The following ADGRA1 variants were observed in gnomAD, a reference collection of about 807,000 sequenced individuals.
ADGRA1 encodes adhesion G protein-coupled receptor A1.
ADGRA1 carries 12 observed loss-of-function variants against 21.3 expected under a neutral mutation model. That is an observed-to-expected ratio of 0.56 (90% CI 0.36 to 0.91). ADGRA1 has a LOEUF of 0.91. ADGRA1 is among the 40% of genes least tolerant of loss of function. The pLI is 0.01. For synonymous variants in ADGRA1, 385 were observed against 368.8 expected, an observed-to-expected ratio of 1.04 and a Z score of -0.50; for missense variants, 790 against 805.6, an observed-to-expected ratio of 0.98 and a Z score of 0.23.
intron 5 of ADGRA1, among the ~76,000 whole-genome samples, chr10:133,120,423 T>C (rs1413039158): frequency 6.6e-6 from 1 of 152,114 alleles, no homozygotes; most frequent in African/African-American, 2.4e-5. Flanking sequence ...AAAAAAAATA[T>C]ATCTTGTTTA....
intron 2 of ADGRA1, 178 bp downstream of exon 2, chr10:133,089,090 G>A: frequency 8.7e-7 from 1 of 1,143,034 alleles, no homozygotes; most frequent in South Asian, 4.4e-5. Flanking sequence ...GACAGGCCGC[G>A]TGTCTGGGCA....
At chr10:133,107,340 C>T (rs142514050) in intron 5 of ADGRA1, among the ~76,000 whole-genome samples, 1 of 152,102 alleles carries the variant, frequency 6.6e-6, no homozygotes, top group Admixed American at 6.6e-5. Context: ...ATTTCTTTTT[C>T]TTGCCTAATT....
intron 2 of ADGRA1, among the ~76,000 whole-genome samples, chr10:133,089,794 A>G (rs1424617887): frequency 6.6e-6 from 1 of 152,216 alleles, no homozygotes; most frequent in African/African-American, 2.4e-5. Context: ...CTTTGCCAAC[A>G]TTCAGTATCG....
At chr10:133,117,468 G>C (rs186720309) in intron 5 of ADGRA1, among the ~76,000 whole-genome samples, 1 of 152,158 alleles carries the variant, frequency 6.6e-6, no homozygotes, top group East Asian at 1.9e-4. Flanking sequence ...GGGAGGTCCG[G>C]TGCACTGTGG....
At chr10:133,097,622 C>T (rs892566928) in intron 3 of ADGRA1, among the ~76,000 whole-genome samples, 1 of 152,200 alleles carries the variant, frequency 6.6e-6, no homozygotes, top group African/African-American at 2.4e-5. Context: ...ATCAGAGACT[C>T]GGGCACACAC....
rs899297502 is a variant in ADGRA1 at position 133,129,458 on chromosome 10, G to A, written c.1630G>A (p.Asp544Asn). The part of the protein sequence containing the change: ...KLLEGLPFGT[D>N]GTGNIRTGPW... ...GCTAGAAGGCCTGCCGTTTGGCACCGACGGGACCGGCAACATCCGAACGGG... is the reference window on the plus strand; with the variant it reads ...GCTAGAAGGCCTGCCGTTTGGCACCAACGGGACCGGCAACATCCGAACGGG... The change falls in exon 7 of 7, where the codon GAC becomes AAC. Residue 544 changes from aspartate to asparagine, a missense_variant. Physicochemically the swap from Asp to Asn is conservative, Grantham distance 23 (BLOSUM62 1). Around this residue, in one of 3 missense-constraint regions of ADGRA1, gnomAD observed 391 missense variants for 351.5 expected, o/e 1.11. Transcript: ENST00000392607. 5.4e-5 allele frequency: 86 copies of A among 1,600,672 alleles called. No homozygotes were observed. The highest frequency in any genetic ancestry group is 6.8e-5 in the Non-Finnish European group (80 of 1,179,864).
intron 6 of ADGRA1, among the ~76,000 whole-genome samples, chr10:133,127,651 T>G (rs1453127467): frequency 6.6e-6 from 1 of 151,974 alleles, no homozygotes; most frequent in Non-Finnish European, 1.5e-5. Context: ...CCCCATCGAG[T>G]AGGAACGGCG....
At chr10:133,096,341 A>T (rs1262783289) in intron 2 of ADGRA1, among the ~76,000 whole-genome samples, 2 of 152,142 alleles carry the variant, frequency 1.3e-5, no homozygotes, top group African/African-American at 4.8e-5. Flanking sequence ...ATTTTCCCCC[A>T]GTCTACTCTG....
intron 5 of ADGRA1, among the ~76,000 whole-genome samples, 171 bp downstream of exon 5, chr10:133,103,013 AG>A (rs1290371278): frequency 9.0e-6 from 1 of 110,990 alleles, no homozygotes; most frequent in East Asian, 2.7e-4. Context: ...GACGGATCTG[AG>A]GGTAGGGTGG....
At chr10:133,116,326 C>T (rs35010360) in intron 5 of ADGRA1, among the ~76,000 whole-genome samples, 19,792 of 152,170 alleles carry the variant, frequency 0.13, 1,641 homozygotes, top group Non-Finnish European at 0.18. Context: ...TCCCAGCCGC[C>T]CTCCCCGCAG....
rs117959737 is a variant in ADGRA1, at chr10:133,114,459, C to G, written c.401+11617C>G. ...TGTCTGGAGCTGGGCATTGTGGTGC[C>G]GTCTGCAGGGTACAGCTGGTGCCCA... is the stretch of plus-strand genomic sequence containing the variant. On this transcript the variant is annotated intron_variant, in intron 5 of 6. Transcript: ENST00000392607. 4.0e-4 allele frequency among the ~76,000 whole-genome samples: 61 copies of G among 152,262 alleles called. 1 individual carries two copies. The highest frequency in any genetic ancestry group is 2.6e-3 in the Admixed American group (40 of 15,300).
intron 2 of ADGRA1, among the ~76,000 whole-genome samples, chr10:133,094,952 G>A (rs1219075396): frequency 6.6e-6 from 1 of 152,202 alleles, no homozygotes; most frequent in African/African-American, 2.4e-5. Flanking sequence ...TGACTTTGGA[G>A]CTGTTTGCAC....
At chr10:133,116,716 G>A (rs1243954481) in intron 5 of ADGRA1, among the ~76,000 whole-genome samples, 1 of 152,078 alleles carries the variant, frequency 6.6e-6, no homozygotes, top group African/African-American at 2.4e-5. Context: ...GCCAGGTGGA[G>A]CCGATGGAGC....
In ADGRA1 at chr10:133,098,674, C is replaced by G. The variant is rs748360404; in HGVS notation, c.166C>G (p.Leu56Val). ...IRISRKGRHT[L>V]LNFCFHAALT... The stretch of plus-strand genomic sequence containing the variant: ...CATCAGCCGCAAGGGCCGGCACACG[C>G]TCCTGAATTTCTGCTTCCACGCGGC... Residue 56 changes from leucine to valine, a missense_variant, in exon 4 of 7, where the codon CTC becomes GTC. By Grantham distance (32) the Leu-to-Val change is conservative (BLOSUM62 1). This residue lies in a region of ADGRA1 where 382 missense variants were observed against 415.6 expected (regional missense o/e 0.92). Transcript: ENST00000392607. The G allele has an allele frequency of 3.1e-6, 5 of 1,611,404 alleles. No individual in the cohort carries two copies. The highest frequency in any genetic ancestry group is 1.7e-5 in the Admixed American group (1 of 60,016).
At position 133,102,681 on chromosome 10, in the gene ADGRA1, C is replaced by T. The variant is rs538656795; in HGVS notation, c.256-16C>T. ...GGTGCCCGCCAAGGGCCTGGCTGAC[C>T]GCTGCTCCCCCACAGGTGGGCATCG... On this transcript the variant is annotated splice_polypyrimidine_tract_variant and intron_variant, in intron 4 of 6. Coordinates refer to ENST00000392607, the MANE Select transcript of ADGRA1 (RefSeq NM_001083909.3). 6.4e-5 allele frequency: 102 copies of T among 1,590,558 alleles called. 1 individual carries two copies. The highest frequency in any genetic ancestry group is 6.0e-4 in the South Asian group (54 of 90,272).
Position 133,128,662 on chromosome 10 carries a change from A to G in ADGRA1, c.834A>G (p.Ser278=), listed in dbSNP as rs2806452. Residue 278 remains serine, a synonymous_variant, in exon 7 of 7, where the codon TCA becomes TCG. Transcript: ENST00000392607. ...ATWAFGALAV[S]QGHFLDMVFS... Reference sequence around the variant, plus strand: ...GGGCCTTCGGGGCGCTGGCGGTGTCACAGGGCCACTTCCTGGACATGGTCT... The same window carrying G: ...GGGCCTTCGGGGCGCTGGCGGTGTCGCAGGGCCACTTCCTGGACATGGTCT... 643,248 of 1,608,902 alleles carry G rather than the reference A, an allele frequency of 0.4. 133,213 individuals carry two copies. Among genetic ancestry groups the G allele is most frequent in the Admixed American group, 0.66 (39,526 of 59,756 alleles).
chr10:133,098,390 GGCTTCT>G lies in ADGRA1; in HGVS notation c.132-247_132-242del, dbSNP rs1851726142. ...ATCCGCCAAGGGATTAGGTTGTTCA[GGCTTCT>G]GCAAACCCCTTCCAGCGTCAGTGTG... On this transcript the variant is annotated intron_variant, in intron 3 of 6. Coordinates refer to ENST00000392607, the MANE Select transcript of ADGRA1 (RefSeq NM_001083909.3). Among the ~76,000 whole-genome samples the G allele has an allele frequency of 2.6e-5, 4 of 152,308 alleles. No individual in the cohort carries two copies. In the South Asian group the frequency reaches 8.3e-4, roughly 32 times the overall value.
At chr10:133,101,255 G>C (rs940719751) in intron 4 of ADGRA1, among the ~76,000 whole-genome samples, 1 of 152,016 alleles carries the variant, frequency 6.6e-6, no homozygotes, top group South Asian at 2.1e-4. Context: ...CCCGCCCACC[G>C]GGGCCACAGC....
At position 133,102,825 on chromosome 10, in the gene ADGRA1, C is replaced by T. The variant is rs371722749; in HGVS notation, c.384C>T (p.Pro128=). The part of the protein sequence containing the change: ...LCLDTDQPPY[P]RQPLLRFYLV... ...TGGACACAGACCAGCCACCGTACCCCAGGCAGCCCCTGCTCAGGTACTGAG... is the reference window on the plus strand; with the variant it reads ...TGGACACAGACCAGCCACCGTACCCTAGGCAGCCCCTGCTCAGGTACTGAG... The change falls in exon 5 of 7, where the codon CCC becomes CCT. Residue 128 remains proline, a synonymous_variant. Transcript: ENST00000392607. The T allele has an allele frequency of 5.8e-4, 930 of 1,611,522 alleles. 3 individuals carry two copies. The highest frequency in any genetic ancestry group is 1.6e-3 in the South Asian group (150 of 91,052).
Sources: allele counts gnomAD v4.1 joint callset (sites outside exome capture counted in the v4.1 genomes callset), GRCh38; gene constraint gnomAD v4.1.1; regional missense constraint gnomAD v4.1.1; transcripts MANE v1.5; gene names NCBI Gene and HGNC (gene_info 2026-07-23, HGNC 2026-07-21).